Variants in CDH23 observed in about 807,000 individuals in gnomAD.
The protein encoded by CDH23 is cadherin related 23, also known as cadherin-23.
Under a neutral mutation model 317.1 loss-of-function variants are expected in CDH23, and 189 were observed. The ratio of observed to expected loss-of-function variants is 0.60; its 90% CI spans 0.53 to 0.67. CDH23 has a LOEUF of 0.67. Among genes scored for constraint, CDH23 ranks in the 30% least tolerant of loss-of-function variants. The pLI is 0.00. For synonymous variants in CDH23, 1,839 were observed against 1,876.8 expected (o/e 0.98, Z 0.52); for missense variants, 4,401 against 4,592.4 (o/e 0.96, Z 1.20).
At chr10:71,554,539 A>G (rs1185000540) in intron 6 of CDH23, among the ~76,000 whole-genome samples, 1 of 152,072 alleles carries the variant, frequency 6.6e-6, no homozygotes. Context: ...AGAATCTACC[A>G]AGTCTCAAGG....
chr10:71,723,793 G>A (rs951461093), intron 28 of CDH23, among the ~76,000 whole-genome samples: 1 of 152,136 alleles, frequency 6.6e-6, no homozygotes, highest in Non-Finnish European at 1.5e-5. Flanking sequence ...GCCTCCCTGC[G>A]AACCTGGAGG....
intron 1 of CDH23, among the ~76,000 whole-genome samples, chr10:71,432,974 G>T (rs557519795): frequency 3.5e-4 from 54 of 152,276 alleles, no homozygotes; most frequent in South Asian, 2.7e-3. Context: ...AGGACAGTGC[G>T]GGAGAGAACG....
At chr10:71,806,850 G>A (rs1397018707) in intron 57 of CDH23, among the ~76,000 whole-genome samples, 4 of 152,160 alleles carry the variant, frequency 2.6e-5, no homozygotes, top group African/African-American at 7.2e-5. Context: ...AAGCCACTAC[G>A]CCCCGCCCAG....
chr10:71,757,270 G>A (rs530309938), intron 38 of CDH23, among the ~76,000 whole-genome samples: 3 of 152,228 alleles, frequency 2.0e-5, no homozygotes, highest in South Asian at 2.1e-4. Flanking sequence ...TGCCTTTGGA[G>A]GGTGAGCTTG....
At chr10:71,671,457 A>G (rs769490682) in intron 14 of CDH23, among the ~76,000 whole-genome samples, 7 of 152,172 alleles carry the variant, frequency 4.6e-5, no homozygotes, top group African/African-American at 1.4e-4. Context: ...TTCTCTATAC[A>G]TAGGCCCTTG....
chr10:71,671,460 G>C (rs1356641730), intron 14 of CDH23, among the ~76,000 whole-genome samples: 5 of 152,162 alleles, frequency 3.3e-5, no homozygotes, highest in African/African-American at 1.2e-4. Flanking sequence ...TCTATACATA[G>C]GCCCTTGGCA....
chr10:71,716,259 C>A, intron 28 of CDH23: 1 of 1,542,232 alleles, frequency 6.5e-7, no homozygotes, highest in Non-Finnish European at 8.8e-7. Flanking sequence ...GCAAGGGTCC[C>A]GGGAGTGACG....
intron 1 of CDH23, among the ~76,000 whole-genome samples, chr10:71,425,746 T>A (rs565742846): frequency 4.6e-5 from 7 of 152,376 alleles, no homozygotes; most frequent in Admixed American, 2.6e-4. Context: ...AGGGTCAAGT[T>A]GATCCTCTGA....
chr10:71,487,619 C>T (rs1026766045), intron 3 of CDH23, among the ~76,000 whole-genome samples: 20 of 152,118 alleles, frequency 1.3e-4, no homozygotes, highest in African/African-American at 4.1e-4. Flanking sequence ...TAAAAAGAAT[C>T]GTTAAATCAT....
At chr10:71,806,031 T>TGGGGGGGGGGTTG in intron 56 of CDH23, 34 bp downstream of exon 56, 1 of 468,392 alleles carries the variant, frequency 2.1e-6, no homozygotes, top group Non-Finnish European at 3.6e-6. Context: ...GGGCGGGGTC[T>TGGGGGGGGGGTTG]GGGGCGGGGC....
At chr10:71,657,516 G>A (rs971565425) in intron 14 of CDH23, among the ~76,000 whole-genome samples, 3 of 152,214 alleles carry the variant, frequency 2.0e-5, no homozygotes, top group Admixed American at 1.3e-4. Flanking sequence ...ACTTGCCAAC[G>A]TGAATTATTA....
chr10:71,734,558 C>T, intron 33 of CDH23, 98 bp from the exon 34 acceptor site: 1 of 1,607,110 alleles, frequency 6.2e-7, no homozygotes, highest in Non-Finnish European at 8.5e-7. Context: ...CCTCCAGAGA[C>T]ACTGCCGGGA....
At chr10:71,489,205 TA>T (rs1852511226) in intron 3 of CDH23, among the ~76,000 whole-genome samples, 1 of 152,258 alleles carries the variant, frequency 6.6e-6, no homozygotes, top group Non-Finnish European at 1.5e-5. Context: ...GAATCTCAGT[TA>T]AATGTAAGTT....
At chr10:71,540,044 G>A (rs1445598386) in intron 6 of CDH23, among the ~76,000 whole-genome samples, 1 of 152,170 alleles carries the variant, frequency 6.6e-6, no homozygotes, top group African/African-American at 2.4e-5. Context: ...CTTTTAACAG[G>A]ACCCCGCTAG....
rs374436837 is a variant in CDH23, at chr10:71,793,450, C to T, written c.6522C>T (p.Phe2174=). The T allele has an allele frequency of 1.2e-6, 2 of 1,613,892 alleles. No individual in the cohort carries two copies. The highest frequency in any genetic ancestry group is 1.3e-5 in the African/African-American group (1 of 74,922). ...ACATCAATGACTCCCGCCCCGAGTT[C>T]CTCAACCCCATCCAGACAGTGAGCG... ...IDDINDSRPE[F]LNPIQTVSVL... Residue 2174 remains phenylalanine (F), a synonymous_variant, in exon 48 of 70, where the codon TTC becomes TTT. Transcript: ENST00000224721.
chr10:71,634,951 C>T (rs1337621424), intron 11 of CDH23, among the ~76,000 whole-genome samples: 2 of 152,252 alleles, frequency 1.3e-5, no homozygotes, highest in Admixed American at 6.5e-5. Context: ...GCTGACTGCT[C>T]TAGTCCCTAG....
intron 51 of CDH23, 60 bp downstream of exon 51, chr10:71,799,340 G>T (rs1294390273): frequency 5.0e-6 from 8 of 1,610,902 alleles, no homozygotes; most frequent in Non-Finnish European, 5.1e-6. Context: ...GGGTCTTTGG[G>T]CATCTTCCTC....
At chr10:71,731,579 C>T (rs369308421) in intron 31 of CDH23, among the ~76,000 whole-genome samples, 1 of 152,134 alleles carries the variant, frequency 6.6e-6, no homozygotes, top group Non-Finnish European at 1.5e-5. Context: ...GCCCTTCTGT[C>T]GAAGGGACCA....
intron 9 of CDH23, among the ~76,000 whole-genome samples, chr10:71,590,873 T>TAAAAAAAAAACAAAA (rs1859423643): frequency 1.1e-4 from 8 of 72,088 alleles, no homozygotes; most frequent in African/African-American, 2.1e-4. Flanking sequence ...ACCCTGTCTC[T>TAAAAAAAAAACAAAA]AAAAAAAAAA....
Sources: allele counts gnomAD v4.1 joint callset (sites outside exome capture counted in the v4.1 genomes callset), GRCh38; gene constraint gnomAD v4.1.1; transcripts MANE v1.5; gene names NCBI Gene and HGNC (gene_info 2026-07-23, HGNC 2026-07-21).